DZIP1L: variants seen among roughly 807,000 people sequenced by gnomAD.
DZIP1L encodes cilium assembly protein DZIP1L.
Under a neutral mutation model 88.7 loss-of-function variants are expected in DZIP1L, and 90 were observed. That is an observed-to-expected ratio of 1.02 (90% CI 0.86 to 1.21). The LOEUF is 1.21. DZIP1L is among the 50% of genes most tolerant of loss of function. The pLI is 0.00. For missense variants in DZIP1L, 932 were observed against 955.8 expected (o/e 0.98, Z 0.33); for synonymous variants, 363 against 372.1 (o/e 0.98, Z 0.28).
intron 6 of DZIP1L, 126 bp downstream of exon 6, chr3:138,088,253 G>A: frequency 7.6e-7 from 1 of 1,312,026 alleles, no homozygotes; most frequent in Non-Finnish European, 1.0e-6. Flanking sequence ...TGTACTGGCA[G>A]AAGGTCTGAA....
chr3:138,068,049 C>A, intron 13 of DZIP1L, 102 bp downstream of exon 13: 1 of 1,050,212 alleles, frequency 9.5e-7, no homozygotes, highest in Non-Finnish European at 1.3e-6. Context: ...TGTGTCTGCC[C>A]CCCTCCTATC....
rs1205778681 is a variant in DZIP1L, at chr3:138,064,639, T to C, written c.2131A>G (p.Arg711Gly). The C allele has an allele frequency of 6.2e-7, 1 of 1,614,180 alleles. No individual in the cohort carries two copies. The highest frequency in any genetic ancestry group is 8.5e-7 in the Non-Finnish European group (1 of 1,180,030). ...ATCCTACATCCTACCTGAGGCTTCC[T>C]TCCTGGTGTGGCAGCCCTCTGTGGC... ...AGPQRAATPGRKPQLSEDESD... is the reference protein window; with the variant it reads ...AGPQRAATPGGKPQLSEDESD... Residue 711 changes from arginine to glycine, a missense_variant, in exon 15 of 16, where the codon AGG (arginine) becomes GGG (glycine). Coordinates refer to ENST00000327532, the MANE Select transcript of DZIP1L (RefSeq NM_173543.3).
Position 138,067,703 on chromosome 3 carries a change from G to A in DZIP1L, c.1833-3C>T, listed in dbSNP as rs1409819453. ...CTTCAGAACTGAACGGGGGCGTGCT[G>A]CCACGAGGAGGAGAAGAAATGAGGG... On this transcript the variant is annotated splice_polypyrimidine_tract_variant and splice_region_variant and intron_variant, in intron 13 of 15. Transcript: ENST00000327532. 4.5e-6 allele frequency: 7 copies of A among 1,541,770 alleles called. No homozygotes were observed. The highest frequency in any genetic ancestry group is 6.1e-6 in the Non-Finnish European group (7 of 1,146,642).
chr3:138,077,652 C>T lies in DZIP1L; in HGVS notation c.1289-20G>A, dbSNP rs775593234. On this transcript the variant is annotated intron_variant, in intron 10 of 15. Coordinates refer to ENST00000327532, the MANE Select transcript of DZIP1L (RefSeq NM_173543.3). ...CCATCTCTGTAGCATGAGACATTCA[C>T]CCAGATCAGCCTGGGCACCTGAGTT... is the stretch of plus-strand genomic sequence containing the variant. 4 of 1,613,078 alleles carry T rather than the reference C, an allele frequency of 2.5e-6. No individual in the cohort carries two copies. Among genetic ancestry groups the T allele is most frequent in the Non-Finnish European group, 2.5e-6 (3 of 1,179,484 alleles).
At chr3:138,099,885 C>G (rs1478110502) in intron 2 of DZIP1L, among the ~76,000 whole-genome samples, 1 of 152,212 alleles carries the variant, frequency 6.6e-6, no homozygotes, top group Non-Finnish European at 1.5e-5. Flanking sequence ...AACCTCTTTT[C>G]TTTATAAATT....
chr3:138,102,761 C>T (rs2107843411), intron 2 of DZIP1L: 5 of 776,532 alleles, frequency 6.4e-6, no homozygotes, highest in Non-Finnish European at 9.5e-6. Flanking sequence ...CCACCATAGC[C>T]TCCGCCCAGG....
intron 8 of DZIP1L, 69 bp downstream of exon 8, chr3:138,084,044 C>A: frequency 6.4e-7 from 1 of 1,573,120 alleles, no homozygotes; most frequent in East Asian, 2.2e-5. Context: ...CCAAAAGAAT[C>A]CAAGGAGATC....
intron 3 of DZIP1L, among the ~76,000 whole-genome samples, chr3:138,096,096 CA>C (rs1944455342): frequency 2.0e-5 from 3 of 152,002 alleles, no homozygotes; most frequent in Non-Finnish European, 4.4e-5. Flanking sequence ...GGACATTTTA[CA>C]AACAAACAAT....
intron 11 of DZIP1L, among the ~76,000 whole-genome samples, chr3:138,076,263 T>C (rs1943402494): frequency 6.6e-6 from 1 of 152,106 alleles, no homozygotes; most frequent in Admixed American, 6.5e-5. Flanking sequence ...CAAAAATTAA[T>C]AGACGTTGAC....
intron 5 of DZIP1L, among the ~76,000 whole-genome samples, chr3:138,091,513 G>A (rs1290318042): frequency 6.6e-6 from 1 of 151,340 alleles, no homozygotes; most frequent in African/African-American, 2.4e-5. Context: ...AGTTACTCCG[G>A]AGGCTGAGGC....
chr3:138,091,282 AC>A (rs1269090823), intron 5 of DZIP1L, among the ~76,000 whole-genome samples: 1 of 152,030 alleles, frequency 6.6e-6, no homozygotes, highest in African/African-American at 2.4e-5. Context: ...TAGCTAAGTG[AC>A]CTTGGGCAAG....
chr3:138,107,768 C>G (rs1460153325), intron 1 of DZIP1L, among the ~76,000 whole-genome samples: 1 of 152,174 alleles, frequency 6.6e-6, no homozygotes, highest in Admixed American at 6.5e-5. Context: ...AGGTCCTGGG[C>G]TATGGAGCCA....
chr3:138,084,241 TCTC>T lies in DZIP1L; in HGVS notation c.1072_1074del (p.Glu358del). 1.2e-6 allele frequency: 2 copies of T among 1,613,884 alleles called. No individual in the cohort carries two copies. The highest frequency in any genetic ancestry group is 2.2e-5 in the South Asian group (2 of 91,050). On this transcript the variant is annotated inframe_deletion, in exon 8 of 16. Transcript: ENST00000327532. Reference sequence around the variant, plus strand: ...GACAGGGAGGCCTGGAGCCTCTGGTTCTCCTCCTGTAGCTGGCAGGCACAAGAT... The same window carrying T: ...GACAGGGAGGCCTGGAGCCTCTGGTTCTCCTGTAGCTGGCAGGCACAAGAT...
chr3:138,084,017 G>A, intron 8 of DZIP1L, 96 bp downstream of exon 8: 1 of 1,517,954 alleles, frequency 6.6e-7, no homozygotes, highest in Non-Finnish European at 8.9e-7. Context: ...TGAGTGGTAA[G>A]ACTAGCACTG....
intron 15 of DZIP1L, chr3:138,064,394 G>A: frequency 2.1e-6 from 3 of 1,407,392 alleles, no homozygotes; most frequent in Non-Finnish European, 1.9e-6. Context: ...AAAACTTACT[G>A]AGCATTGCTT....
intron 10 of DZIP1L, 79 bp from the exon 11 acceptor site, chr3:138,077,711 C>A: frequency 6.4e-7 from 1 of 1,566,322 alleles, no homozygotes; most frequent in South Asian, 1.2e-5. Flanking sequence ...ACCTGCCGAG[C>A]CCTCACACTG....
At chr3:138,101,406 C>T in intron 2 of DZIP1L, 2 of 704,334 alleles carry the variant, frequency 2.8e-6, no homozygotes, top group Admixed American at 2.0e-5. Context: ...TGCTACCCTG[C>T]ACAGCAGCCT....
chr3:138,103,430 C>A, intron 2 of DZIP1L, 41 bp downstream of exon 2: 1 of 1,556,828 alleles, frequency 6.4e-7, no homozygotes. Context: ...GGCTGGGGCA[C>A]ACAGCCCTCC....
intron 7 of DZIP1L, among the ~76,000 whole-genome samples, chr3:138,085,349 C>T (rs1481119799): frequency 2.6e-5 from 4 of 152,184 alleles, no homozygotes; most frequent in African/African-American, 9.6e-5. Context: ...ATTTTTGCAA[C>T]CTACTCATCT....
Sources: allele counts gnomAD v4.1 joint callset (sites outside exome capture counted in the v4.1 genomes callset), GRCh38; gene constraint gnomAD v4.1.1; transcripts MANE v1.5; gene names NCBI Gene and HGNC (gene_info 2026-07-23, HGNC 2026-07-21).